CPT1A: variants seen among roughly 807,000 people sequenced by gnomAD.
CPT1A encodes carnitine palmitoyltransferase 1A, also known as carnitine O-palmitoyltransferase 1, liver isoform.
In CPT1A, 64 loss-of-function variants were observed where a neutral mutation model predicts 100.8. The ratio of observed to expected loss-of-function variants is 0.63; its 90% CI spans 0.52 to 0.78. The LOEUF (loss-of-function observed/expected upper bound fraction) is 0.78, where lower values mean the gene tolerates loss of function less well. Ranked by LOEUF, CPT1A falls within the 30% of genes least tolerant of loss-of-function variation. The pLI, the probability that CPT1A is intolerant of heterozygous loss-of-function variation, is 0.00. For missense variants in CPT1A, 802 were observed against 1,034.1 expected, an observed-to-expected ratio of 0.78 and a Z score of 3.08; for synonymous variants, 363 against 396.0, an observed-to-expected ratio of 0.92 and a Z score of 0.99.
At chr11:68,780,575 C>T (rs1323883335) in intron 12 of CPT1A, 65 bp downstream of exon 12, 37 of 1,430,048 alleles carry the variant, frequency 2.6e-5, no homozygotes, top group South Asian at 3.5e-5. Flanking sequence ...TGCGCCACTG[C>T]GCCTGGCCAG....
At chr11:68,792,415 C>T (rs1275814871) in intron 9 of CPT1A, among the ~76,000 whole-genome samples, 1 of 152,210 alleles carries the variant, frequency 6.6e-6, no homozygotes, top group Non-Finnish European at 1.5e-5. Context: ...GAGGCCCGCC[C>T]GTCATACAGG....
chr11:68,788,630 T>TAAAAAAAAAAAAAAAAAAAAAAAAAAC, intron 9 of CPT1A, among the ~76,000 whole-genome samples: 1 of 27,548 alleles, frequency 3.6e-5, no homozygotes, highest in Non-Finnish European at 6.2e-5. Context: ...CAAACAAAAG[T>TAAAAAAAAAAAAAAAAAAAAAAAAAAC]AAAAAAAAAA....
intron 18 of CPT1A, among the ~76,000 whole-genome samples, chr11:68,758,540 C>G (rs2153994593): frequency 6.6e-6 from 1 of 152,138 alleles, no homozygotes; most frequent in East Asian, 1.9e-4. Context: ...AAAGTTACAG[C>G]AGCACTCCAA....
chr11:68,821,297 C>T (rs1408922004), intron 1 of CPT1A, among the ~76,000 whole-genome samples: 3 of 152,174 alleles, frequency 2.0e-5, no homozygotes, highest in Non-Finnish European at 2.9e-5. Context: ...GGATTACAGG[C>T]CCCCACCACC....
chr11:68,794,636 G>A (rs1395953648), intron 8 of CPT1A, among the ~76,000 whole-genome samples, 168 bp downstream of exon 8: 4 of 152,156 alleles, frequency 2.6e-5, no homozygotes, highest in African/African-American at 7.2e-5. Context: ...GTCTTGAACT[G>A]CTAACCTCAG....
At chr11:68,810,734 C>A (rs145963133) in intron 3 of CPT1A, among the ~76,000 whole-genome samples, 1 of 152,300 alleles carries the variant, frequency 6.6e-6, no homozygotes, top group African/African-American at 2.4e-5. Context: ...CCTGTAATCC[C>A]AGGACTTTGG....
chr11:68,826,455 T>C (rs564675658), intron 1 of CPT1A, among the ~76,000 whole-genome samples: 61 of 116,112 alleles, frequency 5.3e-4, no homozygotes, highest in African/African-American at 1.9e-3. Flanking sequence ...AAAAAAAAGG[T>C]CAGGCGCGGT....
intron 11 of CPT1A, 145 bp downstream of exon 11, chr11:68,781,626 T>C: frequency 2.4e-6 from 2 of 836,992 alleles, no homozygotes; most frequent in African/African-American, 1.7e-5. Flanking sequence ...TTTCAAAAAA[T>C]AAAATAAAAT....
chr11:68,768,537 T>C (rs949345478), intron 14 of CPT1A, among the ~76,000 whole-genome samples: 9 of 152,134 alleles, frequency 5.9e-5, no homozygotes, highest in African/African-American at 1.7e-4. Context: ...GCCTCTCAAG[T>C]AGCTGGGATT....
chr11:68,779,856 G>T (rs1411763411), intron 12 of CPT1A, among the ~76,000 whole-genome samples: 1 of 151,936 alleles, frequency 6.6e-6, no homozygotes, highest in Non-Finnish European at 1.5e-5. Context: ...GGGGACAGGG[G>T]TTTGTGGTTT....
intron 1 of CPT1A, among the ~76,000 whole-genome samples, chr11:68,836,574 AC>A (rs1481579746): frequency 1.3e-5 from 2 of 152,074 alleles, no homozygotes; most frequent in African/African-American, 4.8e-5. Context: ...GGAATTCAAG[AC>A]CAGCCTGGCC....
chr11:68,757,569 G>A lies in CPT1A; in HGVS notation c.*75C>T. On this transcript the variant is annotated 3_prime_UTR_variant, in exon 19 of 19. Coordinates refer to ENST00000265641, the MANE Select transcript of CPT1A (RefSeq NM_001876.4). Reference sequence around the variant, plus strand: ...GAGCAGTGTTTCATCCCGAGCTAAGGTCAGGATTAATGCCTATTTTTCATT... The same window carrying A: ...GAGCAGTGTTTCATCCCGAGCTAAGATCAGGATTAATGCCTATTTTTCATT... 1 of 1,610,946 alleles carries A rather than the reference G, an allele frequency of 6.2e-7. No individual in the cohort carries two copies. Among genetic ancestry groups the A allele is most frequent in the South Asian group, 1.1e-5 (1 of 90,792 alleles).
chr11:68,799,255 C>A lies in CPT1A; in HGVS notation c.656G>T (p.Trp219Leu). 6.2e-7 allele frequency: 1 copy of A among 1,613,890 alleles called. No individual in the cohort carries two copies. Among genetic ancestry groups the A allele is most frequent in the Middle Eastern group, 1.6e-4 (1 of 6,062 alleles). The change falls in exon 6 of 19, where the codon TGG becomes TTG. Residue 219 changes from tryptophan to leucine, a missense_variant. Coordinates refer to ENST00000265641, the MANE Select transcript of CPT1A (RefSeq NM_001876.4). ...FAVGLGPRLQ[W>L]YLKLKSWWAT... ...CCACCAGGATTTTAACTTCAAATAC[C>A]ACTGTAATCTTGGTCCAAGACCGAC...
intron 1 of CPT1A, among the ~76,000 whole-genome samples, chr11:68,836,923 T>A (rs545821443): frequency 1.2e-4 from 18 of 152,174 alleles, no homozygotes; most frequent in Non-Finnish European, 2.5e-4. Context: ...ATGTATTAAA[T>A]CTTTTTCAGG....
intron 2 of CPT1A, among the ~76,000 whole-genome samples, chr11:68,814,552 C>A (rs904880214): frequency 2.0e-5 from 3 of 152,194 alleles, no homozygotes; most frequent in Non-Finnish European, 4.4e-5. Flanking sequence ...TCGTGATCCA[C>A]CCGCCTCGGC....
intron 3 of CPT1A, 77 bp from the exon 4 acceptor site, chr11:68,807,715 GA>G: frequency 1.4e-6 from 2 of 1,433,550 alleles, no homozygotes; most frequent in Non-Finnish European, 1.9e-6. Context: ...TGACGCCACA[GA>G]CACCACGTGC....
At chr11:68,770,470 G>A (rs1168882744) in intron 14 of CPT1A, among the ~76,000 whole-genome samples, 1 of 152,136 alleles carries the variant, frequency 6.6e-6, no homozygotes, top group African/African-American at 2.4e-5. Flanking sequence ...TTGTTTTAAG[G>A]GGACTGCCTC....
chr11:68,820,188 G>A (rs531821311), intron 1 of CPT1A, among the ~76,000 whole-genome samples: 3 of 151,984 alleles, frequency 2.0e-5, no homozygotes, highest in East Asian at 2.0e-4. Flanking sequence ...GCACCACCAT[G>A]CTCAGCTAAT....
At chr11:68,785,041 C>T (rs778298745) in intron 9 of CPT1A, 31 bp from the exon 10 acceptor site, 25 of 1,604,382 alleles carry the variant, frequency 1.6e-5, no homozygotes, top group Non-Finnish European at 2.1e-5. Context: ...AGACACAAAA[C>T]CAAGAGTCCC....
Sources: gnomAD v4.1 joint callset for allele counts (sites outside exome capture counted in the v4.1 genomes callset) on GRCh38, gnomAD v4.1.1 for gene constraint, MANE v1.5 for transcripts, NCBI Gene and HGNC (gene_info 2026-07-23, HGNC 2026-07-21) for gene names.